The following PTPRK variants were observed in gnomAD, a reference collection of about 807,000 sequenced individuals.
PTPRK encodes the protein protein tyrosine phosphatase receptor type K.
A neutral mutation model predicts 178.0 loss-of-function variants in PTPRK; 75 were observed. That is an observed-to-expected ratio of 0.42 (90% CI 0.35 to 0.51). The LOEUF (loss-of-function observed/expected upper bound fraction) is 0.51, where lower values mean the gene tolerates loss of function less well. Among genes scored for constraint, PTPRK ranks in the 20% least tolerant of loss-of-function variants. PTPRK has a pLI of 0.02. For synonymous variants in PTPRK, 637 were observed against 620.6 expected (o/e 1.03, Z -0.39); for missense variants, 1,441 against 1,797.8 (o/e 0.80, Z 3.59).
intron 7 of PTPRK, among the ~76,000 whole-genome samples, chr6:128,159,825 T>C (rs1370436243): frequency 2.6e-5 from 4 of 151,714 alleles, no homozygotes; most frequent in East Asian, 3.9e-4. Flanking sequence ...ATCACTTCCA[T>C]GGCAATAGAT....
intron 1 of PTPRK, among the ~76,000 whole-genome samples, chr6:128,517,218 C>T (rs768016510): frequency 4.6e-5 from 7 of 151,908 alleles, no homozygotes; most frequent in Non-Finnish European, 1.0e-4. Context: ...GATAGCTGCA[C>T]AGTGCTTTAC....
At chr6:128,218,007 A>G (rs1365411971) in intron 6 of PTPRK, among the ~76,000 whole-genome samples, 1 of 152,098 alleles carries the variant, frequency 6.6e-6, no homozygotes, top group Non-Finnish European at 1.5e-5. Context: ...TGAAGTCTCT[A>G]TTTTTATTTT....
At chr6:128,079,503 G>T (rs1208118317) in intron 10 of PTPRK, among the ~76,000 whole-genome samples, 1 of 151,906 alleles carries the variant, frequency 6.6e-6, no homozygotes, top group Non-Finnish European at 1.5e-5. Flanking sequence ...TTCTTAAAAA[G>T]AATAAATTTA....
Position 128,520,334 on chromosome 6 carries a change from G to GCGC in PTPRK, c.22_24dup (p.Ala8dup), listed in dbSNP as rs1858864621. The GCGC allele has an allele frequency of 1.9e-6, 3 of 1,609,024 alleles. No homozygotes were observed. Among genetic ancestry groups the GCGC allele is most frequent in the South Asian group, 1.1e-5 (1 of 90,260 alleles). Reference sequence around the variant, plus strand: ...AGCAAGAGCGCCACAAAAGCAGGCAGCGCCGCCGCCGCAGTCGTATCCATG... The same window carrying GCGC: ...AGCAAGAGCGCCACAAAAGCAGGCAGCGCCGCCGCCGCCGCAGTCGTATCCATG... On this transcript the variant is annotated inframe_insertion, in exon 1 of 30. Coordinates refer to ENST00000368226, the MANE Select transcript of PTPRK (RefSeq NM_002844.4).
chr6:128,493,291 G>T (rs921007082), intron 1 of PTPRK, among the ~76,000 whole-genome samples: 1 of 152,136 alleles, frequency 6.6e-6, no homozygotes, highest in Non-Finnish European at 1.5e-5. Context: ...GGCTGGGCGC[G>T]GTGGCTCACG....
At chr6:128,147,860 C>A (rs550526569) in intron 7 of PTPRK, among the ~76,000 whole-genome samples, 3 of 152,282 alleles carry the variant, frequency 2.0e-5, no homozygotes, top group African/African-American at 7.2e-5. Context: ...TTCTCTCCAA[C>A]CAATAAAGCA....
intron 2 of PTPRK, among the ~76,000 whole-genome samples, chr6:128,396,250 A>T (rs1461410031): frequency 6.6e-6 from 1 of 150,564 alleles, no homozygotes; most frequent in East Asian, 1.9e-4. Context: ...TCATAATAAA[A>T]ATACTAAATA....
At chr6:128,183,440 A>G (rs773990794) in intron 7 of PTPRK, among the ~76,000 whole-genome samples, 2 of 152,226 alleles carry the variant, frequency 1.3e-5, no homozygotes, top group Admixed American at 6.6e-5. Context: ...ACTCTCTATC[A>G]TCTAAGTCTC....
At chr6:128,177,320 A>T (rs1018022275) in intron 7 of PTPRK, among the ~76,000 whole-genome samples, 6 of 151,802 alleles carry the variant, frequency 4.0e-5, no homozygotes, top group African/African-American at 1.4e-4. Flanking sequence ...CCTGATATCA[A>T]ATAAAAAACC....
chr6:128,335,700 T>C (rs1262069293), intron 2 of PTPRK, among the ~76,000 whole-genome samples: 1 of 152,036 alleles, frequency 6.6e-6, no homozygotes, highest in Non-Finnish European at 1.5e-5. Context: ...AAGCGAATGG[T>C]GCCATCTCCT....
chr6:128,349,530 T>C (rs1832845252), intron 2 of PTPRK, among the ~76,000 whole-genome samples: 1 of 151,868 alleles, frequency 6.6e-6, no homozygotes, highest in African/African-American at 2.4e-5. Context: ...ATATTTTAGG[T>C]AAAGAGCTGC....
At chr6:128,375,463 G>A (rs1836934762) in intron 2 of PTPRK, among the ~76,000 whole-genome samples, 1 of 151,788 alleles carries the variant, frequency 6.6e-6, no homozygotes, top group Non-Finnish European at 1.5e-5. Flanking sequence ...AATAGCATGG[G>A]AAAGACCTGC....
At chr6:128,442,794 A>G (rs1332497711) in intron 1 of PTPRK, among the ~76,000 whole-genome samples, 1 of 152,214 alleles carries the variant, frequency 6.6e-6, no homozygotes. Flanking sequence ...GTTAAGGGAA[A>G]AAGTCTAATT....
At chr6:128,246,786 G>A (rs533643259) in intron 3 of PTPRK, among the ~76,000 whole-genome samples, 18 of 152,316 alleles carry the variant, frequency 1.2e-4, no homozygotes, top group African/African-American at 4.3e-4. Context: ...CCTGGGAGCA[G>A]AATGAACAGG....
chr6:128,404,691 G>A (rs1253040099), intron 1 of PTPRK, among the ~76,000 whole-genome samples: 2 of 152,182 alleles, frequency 1.3e-5, no homozygotes, highest in Admixed American at 1.3e-4. Context: ...CATTATTGGA[G>A]CTAATGGGTA....
intron 1 of PTPRK, among the ~76,000 whole-genome samples, chr6:128,429,914 T>C (rs1032478310): frequency 2.6e-5 from 4 of 152,236 alleles, no homozygotes; most frequent in African/African-American, 4.8e-5. Flanking sequence ...TTTTAAACTA[T>C]AGGCATTTTA....
At chr6:128,420,077 T>C (rs1843309812) in intron 1 of PTPRK, among the ~76,000 whole-genome samples, 1 of 152,220 alleles carries the variant, frequency 6.6e-6, no homozygotes, top group Admixed American at 6.5e-5. Context: ...TGTGAGTTTA[T>C]ATCACTACAT....
chr6:127,990,739 C>A (rs1210433854), intron 21 of PTPRK, 30 bp downstream of exon 21: 1 of 1,461,050 alleles, frequency 6.8e-7, no homozygotes, highest in Admixed American at 1.8e-5. Context: ...TTTGATATCA[C>A]TTTTTAAAAT....
rs909985596 is a variant in PTPRK at position 128,008,572 on chromosome 6, G to A, written c.2333+558C>T. The stretch of plus-strand genomic sequence containing the variant: ...GTAGGTCTCAGTATCTTCAAGTAAC[G>A]TCAGAAGATGGTGATATTAGTTGAT... On this transcript the variant is annotated intron_variant, in intron 14 of 29. Transcript: ENST00000368226. 5.3e-5 allele frequency among the ~76,000 whole-genome samples: 8 copies of A among 151,012 alleles called. No homozygotes were observed. The South Asian group carries it at 8.3e-4, about 16-fold the overall frequency.
Sources: gnomAD v4.1 joint callset for allele counts (sites outside exome capture counted in the v4.1 genomes callset) on GRCh38, gnomAD v4.1.1 for gene constraint, MANE v1.5 for transcripts, NCBI Gene and HGNC (gene_info 2026-07-23, HGNC 2026-07-21) for gene names.